TMEM132D: variants seen among roughly 807,000 people sequenced by gnomAD.
TMEM132D encodes the protein transmembrane protein 132D.
In TMEM132D, 21 loss-of-function variants were observed where a neutral mutation model predicts 62.3. That is an observed-to-expected ratio of 0.34 (90% CI 0.24 to 0.49). The LOEUF is 0.49. TMEM132D is among the 20% of genes least tolerant of loss of function. The probability of loss-of-function intolerance (pLI) is 0.99; values close to 1 mark genes in which losing one functional copy is unlikely to be tolerated. For synonymous variants in TMEM132D, 621 were observed against 575.6 expected (o/e 1.08, Z -1.13); for missense variants, 1,346 against 1,402.8 (o/e 0.96, Z 0.65).
At chr12:129,167,994 G>A (rs535176888) in intron 5 of TMEM132D, among the ~76,000 whole-genome samples, 2 of 151,988 alleles carry the variant, frequency 1.3e-5, no homozygotes, top group South Asian at 4.2e-4. Context: ...TTCTCTTCTG[G>A]GCTTCCTCTG....
chr12:129,099,885 G>A (rs2135634713), intron 5 of TMEM132D, among the ~76,000 whole-genome samples: 1 of 137,888 alleles, frequency 7.3e-6, no homozygotes, highest in Non-Finnish European at 1.5e-5. Context: ...GAGTGCAGTG[G>A]CAGGATCTCG....
intron 2 of TMEM132D, among the ~76,000 whole-genome samples, chr12:129,608,971 C>T (rs951215768): frequency 2.0e-5 from 3 of 146,608 alleles, no homozygotes; most frequent in African/African-American, 7.6e-5. Context: ...GATGGAGTCT[C>T]GCTCTGTCAC....
intron 3 of TMEM132D, among the ~76,000 whole-genome samples, chr12:129,431,563 C>T (rs972937243): frequency 1.3e-5 from 2 of 152,162 alleles, no homozygotes; most frequent in African/African-American, 2.4e-5. Context: ...CCAGCGTTAT[C>T]ACTCCTGCCC....
chr12:129,352,178 T>G (rs933230364), intron 3 of TMEM132D, among the ~76,000 whole-genome samples: 1 of 152,182 alleles, frequency 6.6e-6, no homozygotes, highest in East Asian at 1.9e-4. Context: ...ATTAATAATG[T>G]GTACTAAACA....
chr12:129,412,179 G>A (rs916013293), intron 3 of TMEM132D, among the ~76,000 whole-genome samples: 1 of 151,904 alleles, frequency 6.6e-6, no homozygotes, highest in Non-Finnish European at 1.5e-5. Flanking sequence ...CCCATTGCTT[G>A]TGCAGAGTCC....
intron 5 of TMEM132D, among the ~76,000 whole-genome samples, chr12:129,205,212 C>G (rs927453837): frequency 1.3e-5 from 2 of 152,014 alleles, no homozygotes; most frequent in African/African-American, 4.8e-5. Context: ...TTAAAAGGCA[C>G]AGAATAGCAA....
chr12:129,087,025 A>T (rs1292001896), intron 5 of TMEM132D, among the ~76,000 whole-genome samples: 1 of 152,124 alleles, frequency 6.6e-6, no homozygotes, highest in Non-Finnish European at 1.5e-5. Flanking sequence ...GCAAATCCTA[A>T]GTCTACCATA....
rs747944709 is a variant in TMEM132D, at chr12:129,531,054, C to T, written c.1115+5G>A. The stretch of plus-strand genomic sequence containing the variant: ...TGAATATATCGGAGGCCAGTTGGGA[C>T]TCACCTGTTTTCTGAGCCAGCTGCT... On this transcript the variant is annotated splice_donor_5th_base_variant and intron_variant, in intron 3 of 8. Transcript: ENST00000422113. 6.2e-7 allele frequency: 1 copy of T among 1,608,984 alleles called. No individual in the cohort carries two copies. Among genetic ancestry groups the T allele is most frequent in the Non-Finnish European group, 8.5e-7 (1 of 1,177,042 alleles).
intron 3 of TMEM132D, among the ~76,000 whole-genome samples, chr12:129,453,297 C>G (rs949567648): frequency 3.3e-5 from 5 of 152,182 alleles, no homozygotes; most frequent in Admixed American, 6.5e-5. Context: ...AAGCCCATAT[C>G]TGCTGGCTTT....
At chr12:129,848,781 C>A (rs1035165103) in intron 1 of TMEM132D, among the ~76,000 whole-genome samples, 4 of 152,118 alleles carry the variant, frequency 2.6e-5, no homozygotes, top group African/African-American at 9.7e-5. Flanking sequence ...TGAGTTGAAA[C>A]CAATGAGACG....
At chr12:129,244,137 G>A (rs1186017406) in intron 4 of TMEM132D, among the ~76,000 whole-genome samples, 1 of 152,156 alleles carries the variant, frequency 6.6e-6, no homozygotes, top group East Asian at 1.9e-4. Flanking sequence ...TGTAATCCCA[G>A]CACTTTGGGA....
At chr12:129,698,726 AGGGGAGAAGGGAGG>A (rs1881292492) in intron 2 of TMEM132D, among the ~76,000 whole-genome samples, 1 of 36,542 alleles carries the variant, frequency 2.7e-5, no homozygotes, top group Non-Finnish European at 4.6e-5. Context: ...GGGAGGGGAG[AGGGGAGAAGGGAGG>A]GGAGGGGGAA....
chr12:129,656,721 T>C (rs572316688), intron 2 of TMEM132D, among the ~76,000 whole-genome samples: 14 of 152,220 alleles, frequency 9.2e-5, no homozygotes, highest in Non-Finnish European at 2.1e-4. Flanking sequence ...AAATTAACTT[T>C]TGAGCACTTA....
chr12:129,164,983 T>A (rs993611174), intron 5 of TMEM132D, among the ~76,000 whole-genome samples: 1 of 152,192 alleles, frequency 6.6e-6, no homozygotes, highest in African/African-American at 2.4e-5. Context: ...AAAGCTGGAA[T>A]CCCCTGAGGA....
At chr12:129,652,793 G>A (rs1879964876) in intron 2 of TMEM132D, among the ~76,000 whole-genome samples, 1 of 152,288 alleles carries the variant, frequency 6.6e-6, no homozygotes, top group African/African-American at 2.4e-5. Context: ...CCAAAGCTGT[G>A]GTAGTTTGTT....
chr12:129,091,735 C>T (rs1017214041), intron 5 of TMEM132D, among the ~76,000 whole-genome samples: 5 of 152,200 alleles, frequency 3.3e-5, no homozygotes, highest in African/African-American at 1.2e-4. Context: ...GGTTCCTGAG[C>T]CTAGGTGAGC....
chr12:129,437,006 C>T (rs973217982), intron 3 of TMEM132D, among the ~76,000 whole-genome samples: 4 of 152,190 alleles, frequency 2.6e-5, no homozygotes, highest in Admixed American at 6.5e-5. Context: ...TGCTCCATCA[C>T]TAACCCCTTT....
chr12:129,647,241 CTGT>C (rs1339477836), intron 2 of TMEM132D, among the ~76,000 whole-genome samples: 6 of 75,350 alleles, frequency 8.0e-5, no homozygotes, highest in South Asian at 5.2e-4. Context: ...CTTTGTTTTT[CTGT>C]TTTTTTTTTT....
At chr12:129,801,736 C>T (rs372173074) in intron 1 of TMEM132D, among the ~76,000 whole-genome samples, 13,518 of 149,660 alleles carry the variant, frequency 0.09, 646 homozygotes, top group Non-Finnish European at 0.097. Context: ...GATCAAATTA[C>T]TCTGAGCTAC....
Sources: allele counts gnomAD v4.1 joint callset (sites outside exome capture counted in the v4.1 genomes callset), GRCh38; gene constraint gnomAD v4.1.1; transcripts MANE v1.5; gene names NCBI Gene and HGNC (gene_info 2026-07-23, HGNC 2026-07-21).